Variants in RNF17 observed in about 807,000 individuals in gnomAD.
The protein encoded by RNF17 is ring finger protein 17.
In RNF17, 31 loss-of-function variants were observed where a neutral mutation model predicts 200.5. The observed-to-expected ratio is 0.15, with a 90% CI of 0.12 to 0.21. The LOEUF (loss-of-function observed/expected upper bound fraction) is 0.21, where lower values mean the gene tolerates loss of function less well. Ranked by LOEUF, RNF17 falls within the 10% of genes least tolerant of loss-of-function variation. RNF17 has a pLI of 1.00. For missense variants in RNF17, 1,628 were observed against 1,905.1 expected (o/e 0.85, Z 2.71); for synonymous variants, 606 against 637.8 (o/e 0.95, Z 0.75).
chr13:24,789,229 A>T, intron 7 of RNF17, 119 bp from the exon 8 acceptor site: 3 of 666,496 alleles, frequency 4.5e-6, no homozygotes, highest in Non-Finnish European at 8.1e-6. Flanking sequence ...CCCCAAATTG[A>T]GCCTGAATGC....
chr13:24,763,105 C>G (rs992028612), upstream of RNF17, among the ~76,000 whole-genome samples: 5 of 151,018 alleles, frequency 3.3e-5, no homozygotes, highest in African/African-American at 9.7e-5. Flanking sequence ...AGTGCAAACC[C>G]TATATCCTCT....
chr13:24,812,688 T>C (rs1274700387), intron 15 of RNF17, among the ~76,000 whole-genome samples: 5 of 54,496 alleles, frequency 9.2e-5, no homozygotes, highest in African/African-American at 2.6e-4. Context: ...CACCCCCTTT[T>C]TTTTTTTTTT....
rs1469084022 is a variant in RNF17 at position 24,800,374 on chromosome 13, A to G, written c.1598A>G (p.Asp533Gly). Residue 533 changes from aspartate (D) to glycine (G), a missense_variant, in exon 13 of 36, where the codon GAT (aspartate) becomes GGT (glycine). Transcript: ENST00000255324. ...ACTTGAATTTCTCCTAGAGTTGTTG[A>G]TACCCATGTGAGACCAGAACACTCT... is the stretch of plus-strand genomic sequence containing the variant. ...SEVLIVTGVV[D>G]THVRPEHSAK... 4 of 1,580,432 alleles carry G rather than the reference A, an allele frequency of 2.5e-6. No individual in the cohort carries two copies. Among genetic ancestry groups the G allele is most frequent in the South Asian group, 1.2e-5 (1 of 85,492 alleles).
chr13:24,757,005 A>T, the RNF17 span, among the ~76,000 whole-genome samples: 1 of 152,168 alleles, frequency 6.6e-6, no homozygotes. Flanking sequence ...ATCTTGGGAA[A>T]AGAGGGTGCT....
At chr13:24,748,584 A>T in the RNF17 span, among the ~76,000 whole-genome samples, 1 of 152,242 alleles carries the variant, frequency 6.6e-6, no homozygotes, top group Non-Finnish European at 1.5e-5. Flanking sequence ...ACCAACGAGT[A>T]AAATGGTAAG....
chr13:24,839,401 A>T (rs151253672), intron 18 of RNF17, among the ~76,000 whole-genome samples: 2,606 of 152,286 alleles, frequency 0.017, 76 homozygotes, highest in African/African-American at 0.059. Context: ...ATTCATATAG[A>T]ACCAAAAAAG....
chr13:24,795,355 AACAC>A (rs67600570), intron 10 of RNF17, among the ~76,000 whole-genome samples: 29,542 of 151,276 alleles, frequency 0.2, 3,119 homozygotes, highest in South Asian at 0.32. Flanking sequence ...TTTATAAATA[AACAC>A]ACACAAATTA....
chr13:24,754,539 TATATG>T, the RNF17 span, among the ~76,000 whole-genome samples: 1 of 152,114 alleles, frequency 6.6e-6, no homozygotes, highest in Non-Finnish European at 1.5e-5. Context: ...ACCACAACAT[TATATG>T]ATGCTTGGAG....
At chr13:24,883,093 A>ATAAAT (rs767157103), downstream of RNF17, 1 of 1,240,446 alleles carries the variant, frequency 8.1e-7, no homozygotes, top group African/African-American at 1.5e-5. Flanking sequence ...CACATACACA[A>ATAAAT]TAAATTAAAC....
chr13:24,800,959 A>T (rs1442586470), intron 13 of RNF17, among the ~76,000 whole-genome samples: 1 of 152,242 alleles, frequency 6.6e-6, no homozygotes, highest in Non-Finnish European at 1.5e-5. Context: ...CTTAAGAGAC[A>T]GAAATTGTAA....
chr13:24,816,430 A>C (rs912261401), intron 15 of RNF17, among the ~76,000 whole-genome samples: 1 of 152,140 alleles, frequency 6.6e-6, no homozygotes, highest in Non-Finnish European at 1.5e-5. Flanking sequence ...TCTACATCTC[A>C]CTGACCCAAC....
chr13:24,867,790 A>G (rs1893784648), intron 30 of RNF17, among the ~76,000 whole-genome samples: 1 of 152,214 alleles, frequency 6.6e-6, no homozygotes. Flanking sequence ...TAACTGTAGT[A>G]TTCCTTTGCT....
chr13:24,824,211 A>T, intron 15 of RNF17: 1 of 713,772 alleles, frequency 1.4e-6, no homozygotes, highest in South Asian at 1.5e-5. Flanking sequence ...TGATCTAATA[A>T]AGTTGGTTGA....
At chr13:24,781,351 G>A (rs1593235808) in intron 5 of RNF17, among the ~76,000 whole-genome samples, 1 of 152,010 alleles carries the variant, frequency 6.6e-6, no homozygotes, top group African/African-American at 2.4e-5. Flanking sequence ...TGCCAGTAAG[G>A]CCAGGTGTGG....
At chr13:24,819,670 T>C (rs1377887261) in intron 15 of RNF17, among the ~76,000 whole-genome samples, 1 of 152,248 alleles carries the variant, frequency 6.6e-6, no homozygotes, top group African/African-American at 2.4e-5. Context: ...GTATTTTTGA[T>C]GTCACAAATT....
chr13:24,820,877 G>T (rs1321462079), intron 15 of RNF17, among the ~76,000 whole-genome samples: 1 of 152,152 alleles, frequency 6.6e-6, no homozygotes, highest in African/African-American at 2.4e-5. Flanking sequence ...GTGTCTTGGT[G>T]TATGATTCTT....
chr13:24,799,280 C>A, intron 11 of RNF17, 115 bp from the exon 12 acceptor site: 1 of 767,062 alleles, frequency 1.3e-6, no homozygotes, highest in East Asian at 2.5e-5. Context: ...AGTGCTATAT[C>A]ATCATTAAAT....
At chr13:24,816,834 G>C (rs561375623) in intron 15 of RNF17, among the ~76,000 whole-genome samples, 2 of 152,156 alleles carry the variant, frequency 1.3e-5, no homozygotes, top group Non-Finnish European at 2.9e-5. Context: ...CTTGGCCACA[G>C]GTCAGGCAAG....
chr13:24,848,940 T>C (rs980629367), intron 22 of RNF17, among the ~76,000 whole-genome samples: 6 of 152,228 alleles, frequency 3.9e-5, no homozygotes, highest in African/African-American at 9.6e-5. Flanking sequence ...CAATAAGTAG[T>C]ATAGCACATT....
Sources: allele counts gnomAD v4.1 joint callset (sites outside exome capture counted in the v4.1 genomes callset), GRCh38; gene constraint gnomAD v4.1.1; transcripts MANE v1.5; gene names NCBI Gene and HGNC (gene_info 2026-07-23, HGNC 2026-07-21).